RYR2: variants seen among roughly 807,000 people sequenced by gnomAD.
RYR2 encodes the protein cardiac muscle ryanodine receptor-calcium release channel.
Under a neutral mutation model 601.1 loss-of-function variants are expected in RYR2, and 227 were observed. That is an observed-to-expected ratio of 0.38 (90% CI 0.34 to 0.42). The LOEUF (loss-of-function observed/expected upper bound fraction) is 0.42, where lower values mean the gene tolerates loss of function less well. Among genes scored for constraint, RYR2 ranks in the 10% least tolerant of loss-of-function variants. The probability of loss-of-function intolerance (pLI) is 1.00; values close to 1 mark genes in which losing one functional copy is unlikely to be tolerated. For synonymous variants in RYR2, 2,223 were observed against 2,175.1 expected, an observed-to-expected ratio of 1.02 and a Z score of -0.61; for missense variants, 4,646 against 6,156.5, an observed-to-expected ratio of 0.75 and a Z score of 8.21.
At chr1:237,109,888 G>A (rs779805859) in intron 1 of RYR2, among the ~76,000 whole-genome samples, 18 of 152,034 alleles carry the variant, frequency 1.2e-4, no homozygotes, top group African/African-American at 2.7e-4. Flanking sequence ...CTGAGCGTAT[G>A]ACCTGGCTTT....
At chr1:237,692,300 A>C (rs1687011982) in intron 63 of RYR2, among the ~76,000 whole-genome samples, 1 of 152,242 alleles carries the variant, frequency 6.6e-6, no homozygotes, top group South Asian at 2.1e-4. Flanking sequence ...TCCGGAACCC[A>C]GACCAATATG....
intron 21 of RYR2, among the ~76,000 whole-genome samples, chr1:237,502,731 G>A (rs1004457067): frequency 4.0e-5 from 6 of 151,820 alleles, no homozygotes; most frequent in South Asian, 2.1e-4. Flanking sequence ...AACAGGCCGC[G>A]GACTGGTACC....
chr1:237,375,245 C>T (rs1700928734), intron 7 of RYR2, among the ~76,000 whole-genome samples: 1 of 152,152 alleles, frequency 6.6e-6, no homozygotes, highest in Non-Finnish European at 1.5e-5. Flanking sequence ...ACATACCTGT[C>T]CAAGCAGACA....
chr1:237,546,565 G>A (rs1423363868), intron 25 of RYR2, among the ~76,000 whole-genome samples: 1 of 151,946 alleles, frequency 6.6e-6, no homozygotes, highest in Non-Finnish European at 1.5e-5. Flanking sequence ...TTTTTTAGTA[G>A]AGATGGGGTT....
rs574853680 is a variant in RYR2 at position 237,509,303 on chromosome 1, A to G, written c.2719-2385A>G. ...CCTTCCCTGAAACTCCTTTTTGTGT[A>G]GTAGTTAGAATCCTTGACCTTGTGA... On this transcript the variant is annotated intron_variant, in intron 23 of 104. Coordinates refer to ENST00000366574, the MANE Select transcript of RYR2 (RefSeq NM_001035.3). 3.9e-5 allele frequency among the ~76,000 whole-genome samples: 6 copies of G among 152,292 alleles called. No individual in the cohort carries two copies. The South Asian group carries it at 1.2e-3, about 32-fold the overall frequency.
chr1:237,400,813 G>A (rs1379110918), intron 10 of RYR2, among the ~76,000 whole-genome samples: 2 of 152,104 alleles, frequency 1.3e-5, no homozygotes, highest in South Asian at 2.1e-4. Flanking sequence ...AAAAAGGAAG[G>A]AGATCAGGGA....
chr1:237,717,472 A>T, intron 72 of RYR2, 104 bp downstream of exon 72: 1 of 992,562 alleles, frequency 1.0e-6, no homozygotes, highest in East Asian at 2.8e-5. Context: ...CATTTGCATT[A>T]CATGTTTTAT....
chr1:237,414,048 A>G (rs940895597), intron 10 of RYR2, among the ~76,000 whole-genome samples: 1 of 151,982 alleles, frequency 6.6e-6, no homozygotes, highest in Non-Finnish European at 1.5e-5. Flanking sequence ...TTTTTTGTTT[A>G]TGATCAGAAA....
chr1:237,537,731 A>G (rs1223969632), intron 25 of RYR2, among the ~76,000 whole-genome samples: 2 of 152,240 alleles, frequency 1.3e-5, no homozygotes, highest in Non-Finnish European at 2.9e-5. Context: ...GAGCCAAAAA[A>G]CAAAAAAAGC....
In RYR2 at chr1:237,445,678, T is replaced by C. The variant is rs566146575; in HGVS notation, c.1292+156T>C. On this transcript the variant is annotated intron_variant, in intron 14 of 104. Coordinates refer to ENST00000366574, the MANE Select transcript of RYR2 (RefSeq NM_001035.3). ...CGTTAGGAAGTGTTAATGAGATGATTTAATGTCTTTCTTTTAAATAAACTT... is the reference window on the plus strand; with the variant it reads ...CGTTAGGAAGTGTTAATGAGATGATCTAATGTCTTTCTTTTAAATAAACTT... 2.6e-5 allele frequency among the ~76,000 whole-genome samples: 4 copies of C among 152,304 alleles called. No individual in the cohort carries two copies. In the East Asian group the frequency reaches 5.8e-4, roughly 22 times the overall value.
intron 3 of RYR2, among the ~76,000 whole-genome samples, chr1:237,347,013 T>C (rs1296032120): frequency 6.6e-6 from 1 of 152,154 alleles, no homozygotes; most frequent in Admixed American, 6.5e-5. Flanking sequence ...TGTGATTCTA[T>C]TATTTGTAAA....
intron 25 of RYR2, among the ~76,000 whole-genome samples, chr1:237,545,085 T>C (rs1217592542): frequency 6.6e-6 from 1 of 152,202 alleles, no homozygotes; most frequent in African/African-American, 2.4e-5. Flanking sequence ...GTTAAAAAAG[T>C]GTAGTTTACA....
Position 237,687,470 on chromosome 1 carries a change from T to C in RYR2, c.9033T>C (p.Leu3011=). The change falls in exon 63 of 105, where the codon CTT becomes CTC. Residue 3011 remains leucine (L), a synonymous_variant. Coordinates refer to ENST00000366574, the MANE Select transcript of RYR2 (RefSeq NM_001035.3). ...KEMVTSLFCK[L]GVLVRHRISL... is the part of the protein sequence containing the mutation. ...TTGTCTTCAGCCTATTCTGCAAACT[T>C]GGAGTTCTTGTCAGGCATAGGATTT... 1.2e-6 allele frequency: 2 copies of C among 1,604,142 alleles called. No homozygotes were observed. The highest frequency in any genetic ancestry group is 1.7e-6 in the Non-Finnish European group (2 of 1,173,050).
chr1:237,517,433 T>C (rs997766208), intron 24 of RYR2, among the ~76,000 whole-genome samples: 2 of 152,212 alleles, frequency 1.3e-5, no homozygotes, highest in East Asian at 1.9e-4. Context: ...CTGGGCCACA[T>C]TGGAAGAATT....
rs1401325523 is a variant in RYR2, at chr1:237,833,293, A to C, written c.*646A>C. ...TTGCACTTAAAAAGAAAAAAAAAAA[A>C]CGGGTGGTGTGTCTCAGGACAAAAG... is the stretch of plus-strand genomic sequence containing the variant. On this transcript the variant is annotated 3_prime_UTR_variant, in exon 105 of 105. Coordinates refer to ENST00000366574, the MANE Select transcript of RYR2 (RefSeq NM_001035.3). 1.4e-5 allele frequency: 2 copies of C among 142,402 alleles called. No homozygotes were observed. The highest frequency in any genetic ancestry group is 3.0e-5 in the Non-Finnish European group (2 of 66,414). The allele number at this position is 142,402 out of a possible 1,614,324, so 8.8% of individuals were successfully genotyped here.
rs765713506 is a variant in RYR2, at chr1:237,489,125, G to A, written c.1709-2681G>A. 1.6e-4 allele frequency among the ~76,000 whole-genome samples: 24 copies of A among 152,048 alleles called. 1 individual carries two copies. The highest frequency in any genetic ancestry group is 2.6e-4 in the Non-Finnish European group (18 of 68,010). On this transcript the variant is annotated intron_variant, in intron 17 of 104. Coordinates refer to ENST00000366574, the MANE Select transcript of RYR2 (RefSeq NM_001035.3). ...TTATTTATAAAAATAGGCAGTATGC[G>A]TCTGACAAGGGTCTCATATCCAGAA... is the stretch of plus-strand genomic sequence containing the variant.
At chr1:237,055,080 C>T (rs1246986564) in intron 1 of RYR2, among the ~76,000 whole-genome samples, 2 of 152,128 alleles carry the variant, frequency 1.3e-5, no homozygotes, top group Non-Finnish European at 1.5e-5. Context: ...GCTCCCAGCC[C>T]GCACCTTGGT....
Position 237,357,050 on chromosome 1 carries a change from C to CT in RYR2, c.294+1074dup, listed in dbSNP as rs5781951. ...TTCCAACAATTTCATGTTCTCTTGT[C>CT]TTTTTTTTTAAATTTTTTTTAGCCC... On this transcript the variant is annotated intron_variant, in intron 4 of 104. Coordinates refer to ENST00000366574, the MANE Select transcript of RYR2 (RefSeq NM_001035.3). 7.9e-5 allele frequency among the ~76,000 whole-genome samples: 12 copies of CT among 151,116 alleles called. No homozygotes were observed. The East Asian group carries it at 1.6e-3, about 20-fold the overall frequency.
chr1:237,740,939 G>T (rs1691555035), intron 79 of RYR2, among the ~76,000 whole-genome samples: 1 of 152,124 alleles, frequency 6.6e-6, no homozygotes, highest in South Asian at 2.1e-4. Flanking sequence ...TTTTGCTAAA[G>T]TTCTCATGAG....
Sources: gnomAD v4.1 joint callset for allele counts (sites outside exome capture counted in the v4.1 genomes callset) on GRCh38, gnomAD v4.1.1 for gene constraint, MANE v1.5 for transcripts, NCBI Gene and HGNC (gene_info 2026-07-23, HGNC 2026-07-21) for gene names.